MORN1: variants seen among roughly 807,000 people sequenced by gnomAD.
MORN1 encodes MORN repeat-containing protein 1.
A neutral mutation model predicts 61.9 loss-of-function variants in MORN1; 67 were observed. The observed-to-expected ratio is 1.08, with a 90% CI of 0.89 to 1.33. MORN1 has a LOEUF of 1.33. MORN1 is among the 40% of genes most tolerant of loss of function. The pLI is 0.00. For missense variants in MORN1, 752 were observed against 691.2 expected (o/e 1.09, Z -0.99); for synonymous variants, 301 against 292.0 (o/e 1.03, Z -0.31).
At chr1:2,332,415 T>C in intron 12 of MORN1, 1 of 356,328 alleles carries the variant, frequency 2.8e-6, no homozygotes, top group Non-Finnish European at 5.6e-6. Flanking sequence ...CTGTCCTTGG[T>C]CCACACTCAG....
chr1:2,347,450 C>T (rs968250864), intron 10 of MORN1, among the ~76,000 whole-genome samples: 3 of 152,192 alleles, frequency 2.0e-5, no homozygotes, highest in Non-Finnish European at 4.4e-5. Context: ...CAGGCACAGG[C>T]TGTCTCCAGG....
intron 10 of MORN1, among the ~76,000 whole-genome samples, chr1:2,340,446 C>T (rs1465439893): frequency 6.6e-6 from 1 of 152,190 alleles, no homozygotes; most frequent in Non-Finnish European, 1.5e-5. Flanking sequence ...TCCCCTCGCT[C>T]CATGACACCC....
intron 10 of MORN1, among the ~76,000 whole-genome samples, chr1:2,339,716 C>T (rs1028459184): frequency 4.6e-5 from 7 of 152,188 alleles, no homozygotes; most frequent in African/African-American, 1.7e-4. Context: ...CCTCGCCCTT[C>T]AGTCCATTGT....
At chr1:2,379,362 G>A (rs942111022) in intron 6 of MORN1, 4 of 356,508 alleles carry the variant, frequency 1.1e-5, no homozygotes, top group East Asian at 7.6e-5. Flanking sequence ...AACAGCCGGC[G>A]CTGGTTGGGG....
At chr1:2,390,309 G>A (rs1341615143) in intron 1 of MORN1, among the ~76,000 whole-genome samples, 1 of 152,186 alleles carries the variant, frequency 6.6e-6, no homozygotes, top group Non-Finnish European at 1.5e-5. Flanking sequence ...AGGTGGTGAG[G>A]AGCAGGTTGG....
At chr1:2,384,742 C>T (rs183579879) in intron 6 of MORN1, among the ~76,000 whole-genome samples, 34 of 152,342 alleles carry the variant, frequency 2.2e-4, no homozygotes, top group Admixed American at 1.3e-3. Context: ...CCTGCCTCTC[C>T]GCGTACCTCC....
chr1:2,379,300 C>G (rs957097524), intron 6 of MORN1: 2 of 381,938 alleles, frequency 5.2e-6, no homozygotes, highest in Admixed American at 3.7e-5. Context: ...GAAGAAAGGA[C>G]TTACCACTTT....
chr1:2,386,067 G>C (rs945210627), intron 4 of MORN1, 170 bp from the exon 5 acceptor site: 9 of 624,744 alleles, frequency 1.4e-5, no homozygotes, highest in African/African-American at 1.1e-4. Flanking sequence ...TGGCTACACA[G>C]AGGCCTCAGC....
intron 8 of MORN1, among the ~76,000 whole-genome samples, chr1:2,368,472 G>T (rs374747528): frequency 1.3e-5 from 2 of 152,222 alleles, no homozygotes; most frequent in South Asian, 2.1e-4. Flanking sequence ...ATGGAAAGGG[G>T]TGGTAACTCC....
chr1:2,341,695 AAAAAAAAAAAAAAAAG>A, intron 10 of MORN1, among the ~76,000 whole-genome samples: 1 of 110,390 alleles, frequency 9.1e-6, no homozygotes, highest in Middle Eastern at 5.7e-3. Context: ...GTCTCAAGAA[AAAAAAAAAAAAAAAAG>A]AAAAAGAAAA....
At chr1:2,336,984 G>T (rs1641294383) in intron 10 of MORN1, 134 bp from the exon 11 acceptor site, 1 of 1,083,998 alleles carries the variant, frequency 9.2e-7, no homozygotes, top group Admixed American at 3.7e-5. Flanking sequence ...CCATCTTGGT[G>T]GGGGCAGGTC....
In MORN1 at chr1:2,321,401, C is replaced by T. The variant is rs1464755044; in HGVS notation, c.1476G>A (p.Glu492=). The T allele has an allele frequency of 1.3e-6, 2 of 1,533,742 alleles. No individual in the cohort carries two copies. The highest frequency in any genetic ancestry group is 8.8e-7 in the Non-Finnish European group (1 of 1,139,632). The change falls in exon 14 of 14, where the codon GAG becomes GAA. Residue 492 remains glutamate, a synonymous_variant. Transcript: ENST00000378531. The part of the protein sequence containing the change: ...SWQAAHSCTP[E]PPAPR Reference sequence around the variant, plus strand: ...CGGGGCCTCACCGAGGCGCTGGCGGCTCTGGGGTGCAGCTGTGGGCGGCCT... The same window carrying T: ...CGGGGCCTCACCGAGGCGCTGGCGGTTCTGGGGTGCAGCTGTGGGCGGCCT...
At chr1:2,322,264 T>TATCCC in intron 13 of MORN1, 4 of 985,358 alleles carry the variant, frequency 4.1e-6, no homozygotes, top group Non-Finnish European at 4.8e-6. Flanking sequence ...GAAACCATCC[T>TATCCC]CTCCCCTCCC....
At chr1:2,353,799 C>A (rs1641702484) in intron 10 of MORN1, among the ~76,000 whole-genome samples, 1 of 152,222 alleles carries the variant, frequency 6.6e-6, no homozygotes, top group South Asian at 2.1e-4. Context: ...CATGTCCCCA[C>A]CATGTCCCAG....
At chr1:2,387,135 A>G (rs1642516521) in intron 4 of MORN1, 4 of 481,930 alleles carry the variant, frequency 8.3e-6, no homozygotes, top group Admixed American at 6.5e-5. Flanking sequence ...GGAGCAGTTA[A>G]TAAAGCAGTG....
intron 8 of MORN1, among the ~76,000 whole-genome samples, chr1:2,364,882 G>A (rs1009131271): frequency 9.9e-5 from 15 of 152,068 alleles, no homozygotes; most frequent in East Asian, 3.9e-4. Context: ...GATACGCAGC[G>A]TTATTTCTGA....
intron 6 of MORN1, among the ~76,000 whole-genome samples, chr1:2,384,535 G>A (rs938463854): frequency 3.3e-5 from 5 of 152,206 alleles, no homozygotes; most frequent in African/African-American, 4.8e-5. Flanking sequence ...GAAGTTCCAC[G>A]GTAAGGGCAT....
chr1:2,374,024 C>T (rs922430627), intron 7 of MORN1, among the ~76,000 whole-genome samples: 1 of 152,208 alleles, frequency 6.6e-6, no homozygotes, highest in East Asian at 1.9e-4. Flanking sequence ...GTGGCACCCT[C>T]ATCCTGGAAT....
chr1:2,384,110 G>A (rs776345503), intron 6 of MORN1, among the ~76,000 whole-genome samples: 4 of 152,154 alleles, frequency 2.6e-5, no homozygotes, highest in Non-Finnish European at 5.9e-5. Context: ...TGTCTCCTGA[G>A]TCGTCCTTGT....
Sources: allele counts gnomAD v4.1 joint callset (sites outside exome capture counted in the v4.1 genomes callset), GRCh38; gene constraint gnomAD v4.1.1; transcripts MANE v1.5; gene names NCBI Gene and HGNC (gene_info 2026-07-23, HGNC 2026-07-21).